Variants in NWD1 observed in about 807,000 individuals in gnomAD.
The protein encoded by NWD1 is NACHT domain- and WD repeat-containing protein 1.
In NWD1, 129 loss-of-function variants were observed where a neutral mutation model predicts 135.1. The observed-to-expected ratio is 0.96, with a 90% CI of 0.83 to 1.11. The LOEUF (loss-of-function observed/expected upper bound fraction) is 1.11. NWD1 is among the 50% of genes least tolerant of loss of function. The probability of loss-of-function intolerance (pLI) is 0.00; values close to 1 mark genes in which losing one functional copy is unlikely to be tolerated. For synonymous variants in NWD1, 773 were observed against 786.0 expected, an observed-to-expected ratio of 0.98 and a Z score of 0.28; for missense variants, 1,740 against 1,851.3, an observed-to-expected ratio of 0.94 and a Z score of 1.10.
chr19:16,746,340 A>G (rs1968314155), intron 5 of NWD1, among the ~76,000 whole-genome samples: 1 of 151,324 alleles, frequency 6.6e-6, no homozygotes, highest in Admixed American at 6.6e-5. Context: ...AGTCTGGGTG[A>G]CAGAGTGAGA....
intron 10 of NWD1, among the ~76,000 whole-genome samples, chr19:16,771,159 AATAG>A (rs1467400291): frequency 6.6e-6 from 1 of 152,184 alleles, no homozygotes; most frequent in African/African-American, 2.4e-5. Context: ...ATTAGTTAAA[AATAG>A]ATAGATGGCT....
At chr19:16,811,158 C>CT (rs1337189273) in intron 18 of NWD1, among the ~76,000 whole-genome samples, 3 of 152,198 alleles carry the variant, frequency 2.0e-5, no homozygotes, top group Admixed American at 6.6e-5. Flanking sequence ...CAATTCATTC[C>CT]TTTTTTCCAT....
At chr19:16,722,114 T>C (rs61449829) in intron 1 of NWD1, among the ~76,000 whole-genome samples, 68,392 of 150,592 alleles carry the variant, frequency 0.45, 15,564 homozygotes, top group Middle Eastern at 0.6. Flanking sequence ...CCCTGTCTCT[T>C]GAAAAAAACA....
chr19:16,749,416 C>T lies in NWD1; in HGVS notation c.774C>T (p.His258=), dbSNP rs770995497. 40 of 1,613,768 alleles carry T rather than the reference C, an allele frequency of 2.5e-5. No homozygotes were observed. The East Asian group carries it at 6.9e-4, about 28-fold the overall frequency. Residue 258 remains histidine, a synonymous_variant, in exon 6 of 19, where the codon CAC becomes CAT. Coordinates refer to ENST00000524140, the MANE Select transcript of NWD1 (RefSeq NM_001007525.5). ...TGGTGAACCCCAAGAACAAGACTCA[C>T]GCCTGCTACCTGAAGGAGCTGGGTG... ...RDLVNPKNKT[H]ACYLKELGEQ... is the part of the protein sequence containing the mutation.
intron 17 of NWD1, among the ~76,000 whole-genome samples, chr19:16,807,216 G>T (rs550088950): frequency 1.3e-5 from 2 of 151,276 alleles, no homozygotes; most frequent in Non-Finnish European, 2.9e-5. Flanking sequence ...ACACCAGGCC[G>T]GGTGTGGTGG....
At chr19:16,791,709 C>G in intron 14 of NWD1, 87 bp downstream of exon 14, 2 of 1,336,482 alleles carry the variant, frequency 1.5e-6, no homozygotes, top group Non-Finnish European at 2.1e-6. Flanking sequence ...ATAATCTTGC[C>G]TTGTATCTTT....
At chr19:16,723,942 C>T (rs1386853120) in intron 1 of NWD1, among the ~76,000 whole-genome samples, 73 of 151,838 alleles carry the variant, frequency 4.8e-4, no homozygotes, top group Non-Finnish European at 1.0e-4. Context: ...GTGATCGGCC[C>T]GCCTTGGCCT....
Position 16,750,309 on chromosome 19 carries a change from C to T in NWD1, c.1667C>T (p.Ala556Val). 2.5e-6 allele frequency: 4 copies of T among 1,613,558 alleles called. No homozygotes were observed. The highest frequency in any genetic ancestry group is 2.2e-5 in the South Asian group (2 of 91,070). Residue 556 changes from alanine (A) to valine (V), a missense_variant, in exon 6 of 19, where the codon GCC becomes GTC. Transcript: ENST00000524140. ...TCTTTCACCGTGCCTGTCCCGCTGGCCACCACCGCAGAGGAAGCCACGCAC... is the reference window on the plus strand; with the variant it reads ...TCTTTCACCGTGCCTGTCCCGCTGGTCACCACCGCAGAGGAAGCCACGCAC... ...WASFTVPVPL[A>V]TTAEEATHQL...
chr19:16,809,739 G>T (rs1266879761), intron 18 of NWD1, among the ~76,000 whole-genome samples: 2 of 151,142 alleles, frequency 1.3e-5, no homozygotes, highest in East Asian at 3.9e-4. Context: ...GTATTTTTTT[G>T]GTAGAGATGG....
At chr19:16,778,494 C>CTTCTTTT (rs200410922) in intron 11 of NWD1, among the ~76,000 whole-genome samples, 40 of 107,550 alleles carry the variant, frequency 3.7e-4, no homozygotes, top group African/African-American at 1.5e-3. Context: ...TCTTCTTCTT[C>CTTCTTTT]TTTTTTTTTT....
At chr19:16,739,741 G>A (rs946788664) in intron 4 of NWD1, among the ~76,000 whole-genome samples, 1 of 152,122 alleles carries the variant, frequency 6.6e-6, no homozygotes, top group Non-Finnish European at 1.5e-5. Context: ...CACCGAGGCC[G>A]GGGACAGCTC....
chr19:16,764,097 GA>G, intron 9 of NWD1, 152 bp downstream of exon 9: 1 of 598,528 alleles, frequency 1.7e-6, no homozygotes, highest in Non-Finnish European at 3.0e-6. Context: ...ACACCCAGGG[GA>G]TGCCTTACAG....
rs1969104546 is a variant in NWD1 at position 16,763,692 on chromosome 19, TG to T, written c.2134-131del. 3.1e-6 allele frequency: 2 copies of T among 644,660 alleles called. 1 individual carries two copies. Among genetic ancestry groups the T allele is most frequent in the Non-Finnish European group, 5.7e-6 (2 of 351,612 alleles). The allele number at this position is 644,660 out of a possible 1,614,324, so 39.9% of individuals were successfully genotyped here. On this transcript the variant is annotated intron_variant, in intron 8 of 18. Transcript: ENST00000524140. ...GCTCCAGCCCTGACCAATGGGCACATGGGGGTATGTCTGTCTTCCATTGCAT... is the reference window on the plus strand; with the variant it reads ...GCTCCAGCCCTGACCAATGGGCACATGGGGTATGTCTGTCTTCCATTGCAT...
At chr19:16,753,506 G>C (rs908323165) in intron 6 of NWD1, among the ~76,000 whole-genome samples, 2 of 152,176 alleles carry the variant, frequency 1.3e-5, no homozygotes, top group African/African-American at 4.8e-5. Context: ...TCTTGGAGCA[G>C]ACCTGAGATC....
At chr19:16,775,419 A>G (rs1031347663) in intron 11 of NWD1, among the ~76,000 whole-genome samples, 3 of 142,128 alleles carry the variant, frequency 2.1e-5, no homozygotes, top group African/African-American at 9.4e-5. Context: ...TGGGACCCAT[A>G]CTCTTTCAGT....
At chr19:16,780,804 C>A (rs1367608204) in intron 12 of NWD1, among the ~76,000 whole-genome samples, 1 of 152,058 alleles carries the variant, frequency 6.6e-6, no homozygotes, top group Non-Finnish European at 1.5e-5. Flanking sequence ...ACTGCAGGCA[C>A]ACACCACCAC....
At chr19:16,746,399 G>T (rs186548559) in intron 5 of NWD1, among the ~76,000 whole-genome samples, 50 of 152,070 alleles carry the variant, frequency 3.3e-4, no homozygotes, top group African/African-American at 1.2e-3. Flanking sequence ...AGTTGGCCGG[G>T]TGCGGTGGCT....
At chr19:16,779,871 A>G (rs1020627480) in intron 12 of NWD1, among the ~76,000 whole-genome samples, 2 of 152,132 alleles carry the variant, frequency 1.3e-5, no homozygotes, top group African/African-American at 2.4e-5. Flanking sequence ...CTTGGGCTCA[A>G]GTGATCCTCC....
chr19:16,809,548 TTTTTCTTTTTC>T (rs1043756092), intron 18 of NWD1, among the ~76,000 whole-genome samples: 2 of 139,700 alleles, frequency 1.4e-5, no homozygotes, highest in African/African-American at 6.1e-5. Flanking sequence ...TTTTTTTTTC[TTTTTCTTTTTC>T]TTTTTTTTTT....
Sources: allele counts gnomAD v4.1 joint callset (sites outside exome capture counted in the v4.1 genomes callset), GRCh38; gene constraint gnomAD v4.1.1; transcripts MANE v1.5; gene names NCBI Gene and HGNC (gene_info 2026-07-23, HGNC 2026-07-21).